Variants in FBN2 observed in about 807,000 individuals in gnomAD.
The protein encoded by FBN2 is fibrillin 2, also known as fibrillin-2.
FBN2 carries 105 observed loss-of-function variants against 355.6 expected under a neutral mutation model. The ratio of observed to expected loss-of-function variants is 0.30; its 90% CI spans 0.25 to 0.35. FBN2 has a LOEUF of 0.35. Among genes scored for constraint, FBN2 ranks in the 10% least tolerant of loss-of-function variants. The probability of loss-of-function intolerance (pLI) is 1.00; values close to 1 mark genes in which losing one functional copy is unlikely to be tolerated. For missense variants in FBN2, 3,280 were observed against 3,758.7 expected, an observed-to-expected ratio of 0.87 and a Z score of 3.33; for synonymous variants, 1,350 against 1,301.2, an observed-to-expected ratio of 1.04 and a Z score of -0.81.
In FBN2 at chr5:128,393,238, T is replaced by C; in HGVS notation, c.1362A>G (p.Gly454=). The part of the protein sequence containing the change: ...PSGNGNGYGP[G]GTGFIPIPGG... ...CAGGGATGGGGATGAAGCCTGTCCC[T>C]CCTGGGCCATAGCCATTGCCATTGC... Residue 454 remains glycine (G), a synonymous_variant, in exon 10 of 65, where the codon GGA becomes GGG. Transcript: ENST00000262464. 1 of 1,614,166 alleles carries C rather than the reference T, an allele frequency of 6.2e-7. No homozygotes were observed. Among genetic ancestry groups the C allele is most frequent in the African/African-American group, 1.3e-5 (1 of 75,050 alleles).
intron 32 of FBN2, among the ~76,000 whole-genome samples, chr5:128,331,783 G>C (rs533009873): frequency 1.3e-5 from 2 of 152,282 alleles, no homozygotes; most frequent in Admixed American, 6.5e-5. Context: ...TGACATCCTG[G>C]AGCACAGGAG....
intron 8 of FBN2, among the ~76,000 whole-genome samples, chr5:128,399,986 A>G (rs1396574138): frequency 6.6e-6 from 1 of 152,078 alleles, no homozygotes; most frequent in East Asian, 1.9e-4. Context: ...AATATAATAA[A>G]TACACATGGA....
chr5:128,333,134 C>A (rs1249956676), intron 31 of FBN2, 100 bp from the exon 32 acceptor site: 29 of 1,056,402 alleles, frequency 2.7e-5, no homozygotes, highest in Non-Finnish European at 4.2e-5. Flanking sequence ...AGTAAAGATG[C>A]AACCGTATGG....
chr5:128,265,547 G>C (rs778357298), intron 62 of FBN2, among the ~76,000 whole-genome samples: 7 of 152,118 alleles, frequency 4.6e-5, no homozygotes, highest in Non-Finnish European at 1.0e-4. Context: ...TTGTGAACAG[G>C]CTACAGAAGC....
At chr5:128,519,711 C>A (rs1427990549) in intron 4 of FBN2, among the ~76,000 whole-genome samples, 3 of 151,126 alleles carry the variant, frequency 2.0e-5, no homozygotes, top group Non-Finnish European at 4.4e-5. Context: ...GTACTACTAA[C>A]CCTATAATCT....
intron 2 of FBN2, among the ~76,000 whole-genome samples, chr5:128,536,084 T>G (rs1756838881): frequency 6.6e-6 from 1 of 152,110 alleles, no homozygotes; most frequent in Non-Finnish European, 1.5e-5. Context: ...GAAAAAGTGG[T>G]TTTGAGTTAT....
chr5:128,501,240 C>T (rs1328245124), intron 5 of FBN2, among the ~76,000 whole-genome samples: 9 of 152,186 alleles, frequency 5.9e-5, no homozygotes, highest in Non-Finnish European at 1.3e-4. Context: ...GATCCTGACA[C>T]AAAATATGTG....
rs1751767395 is a variant in FBN2, at chr5:128,366,380, T to G, written c.2299A>C (p.Arg767=). The part of the protein sequence containing the change: ...SSGVGITVDG[R]DINECALDPD... ...AGTTGAGATTAACTAGAGTTACCTC[T>G]TCCATCCACAGTGATACCTACTCCA... Residue 767 remains arginine (R), a synonymous_variant, in exon 17 of 65, where the codon AGA becomes CGA. Transcript: ENST00000262464. The G allele has an allele frequency of 6.3e-7, 1 of 1,584,158 alleles. No individual in the cohort carries two copies. Among genetic ancestry groups the G allele is most frequent in the African/African-American group, 1.3e-5 (1 of 74,364 alleles).
chr5:128,290,004 TAAGA>T, intron 50 of FBN2, 57 bp from the exon 51 acceptor site: 1 of 981,326 alleles, frequency 1.0e-6, no homozygotes, highest in Non-Finnish European at 1.6e-6. Flanking sequence ...TCAAAGAACT[TAAGA>T]AAGGATGAAC....
intron 62 of FBN2, among the ~76,000 whole-genome samples, chr5:128,270,385 C>T (rs533617577): frequency 3.3e-5 from 5 of 151,816 alleles, no homozygotes; most frequent in African/African-American, 1.2e-4. Flanking sequence ...AAAAATGAGC[C>T]GGGCATGGTG....
intron 7 of FBN2, among the ~76,000 whole-genome samples, chr5:128,409,166 A>C (rs1309657915): frequency 6.6e-6 from 1 of 152,260 alleles, no homozygotes; most frequent in Non-Finnish European, 1.5e-5. Flanking sequence ...TACATTTTAA[A>C]ATATAGAATA....
chr5:128,310,146 AT>A (rs1288767403), intron 39 of FBN2, 38 bp from the exon 40 acceptor site: 2 of 1,523,988 alleles, frequency 1.3e-6, no homozygotes, highest in Non-Finnish European at 9.0e-7. Flanking sequence ...TAATAAATCT[AT>A]TTTTTCAATG....
intron 7 of FBN2, among the ~76,000 whole-genome samples, chr5:128,423,926 T>G (rs534398887): frequency 6.6e-6 from 1 of 152,248 alleles, no homozygotes; most frequent in South Asian, 2.1e-4. Context: ...GGAAATATAT[T>G]TAGACTCCAC....
At chr5:128,354,391 G>A (rs1751447041) in intron 20 of FBN2, among the ~76,000 whole-genome samples, 1 of 152,204 alleles carries the variant, frequency 6.6e-6, no homozygotes, top group Non-Finnish European at 1.5e-5. Context: ...GGGAGCACAG[G>A]CTTCGGTTAG....
At chr5:128,380,119 C>T (rs1752191924) in intron 11 of FBN2, among the ~76,000 whole-genome samples, 5 of 152,024 alleles carry the variant, frequency 3.3e-5, no homozygotes, top group Admixed American at 3.3e-4. Flanking sequence ...TCCAAGGACC[C>T]CTTCAGCCCA....
intron 20 of FBN2, among the ~76,000 whole-genome samples, chr5:128,352,286 A>T (rs2126924516): frequency 6.6e-6 from 1 of 150,586 alleles, no homozygotes; most frequent in African/African-American, 2.5e-5. Context: ...AATTTGAAGA[A>T]ATAGAGAAGT....
At chr5:128,350,820 G>A (rs374574896) in intron 21 of FBN2, 48 bp downstream of exon 21, 3 of 1,609,604 alleles carry the variant, frequency 1.9e-6, no homozygotes, top group Non-Finnish European at 1.7e-6. Flanking sequence ...CCTAGTGGCA[G>A]GAGAAGTTTC....
chr5:128,516,922 A>G (rs1233568465), intron 5 of FBN2, among the ~76,000 whole-genome samples: 1 of 152,174 alleles, frequency 6.6e-6, no homozygotes, highest in Non-Finnish European at 1.5e-5. Context: ...CATGGTTGCT[A>G]TGTAAGAGTG....
Position 128,449,389 on chromosome 5 carries a change from AATAGTATACTGTATAATTAT to A in FBN2, c.827-2803_827-2784del, listed in dbSNP as rs1162190882. ...CTGTATAATTTATAGTATACTATAT[AATAGTATACTGTATAATTAT>A]ATAGTATACTATATAATAGTATACT... On this transcript the variant is annotated intron_variant, in intron 6 of 64. Coordinates refer to ENST00000262464, the MANE Select transcript of FBN2 (RefSeq NM_001999.4). Among the ~76,000 whole-genome samples the A allele has an allele frequency of 6.4e-5, 6 of 94,294 alleles. No individual in the cohort carries two copies. In the East Asian group the frequency reaches 1.2e-3, roughly 19 times the overall value. The allele number at this position is 94,294 out of a possible 152,430, so 61.9% of individuals were successfully genotyped here.
Sources: allele counts gnomAD v4.1 joint callset (sites outside exome capture counted in the v4.1 genomes callset), GRCh38; gene constraint gnomAD v4.1.1; transcripts MANE v1.5; gene names NCBI Gene and HGNC (gene_info 2026-07-23, HGNC 2026-07-21).